ARHGAP10: variants seen among roughly 807,000 people sequenced by gnomAD.
The protein encoded by ARHGAP10 is Rho GTPase activating protein 10.
Under a neutral mutation model 108.6 loss-of-function variants are expected in ARHGAP10, and 87 were observed. That is an observed-to-expected ratio of 0.80 (90% CI 0.67 to 0.96). The LOEUF (loss-of-function observed/expected upper bound fraction) is 0.96. ARHGAP10 is among the 40% of genes least tolerant of loss of function. The pLI, the probability that ARHGAP10 is intolerant of heterozygous loss-of-function variation, is 0.00. For missense variants in ARHGAP10, 939 were observed against 954.5 expected (o/e 0.98, Z 0.21); for synonymous variants, 347 against 341.1 (o/e 1.02, Z -0.19).
At chr4:147,909,915 C>T in intron 12 of ARHGAP10, 138 bp downstream of exon 12, 2 of 814,590 alleles carry the variant, frequency 2.5e-6, no homozygotes, top group East Asian at 2.7e-5. Flanking sequence ...CGTAATAATC[C>T]TCTATTGCAT....
intron 1 of ARHGAP10, among the ~76,000 whole-genome samples, chr4:147,814,773 T>C (rs1190588794): frequency 1.3e-5 from 2 of 152,208 alleles, no homozygotes; most frequent in African/African-American, 4.8e-5. Context: ...ATTTCTTCTT[T>C]TTATAAGAAC....
At chr4:147,830,103 G>A (rs1414012179) in intron 3 of ARHGAP10, among the ~76,000 whole-genome samples, 2 of 152,206 alleles carry the variant, frequency 1.3e-5, no homozygotes, top group South Asian at 4.1e-4. Flanking sequence ...CCCCATTTGG[G>A]CAGGAAAGCC....
chr4:147,815,197 A>T (rs1445689889), intron 1 of ARHGAP10, among the ~76,000 whole-genome samples: 1 of 152,068 alleles, frequency 6.6e-6, no homozygotes, highest in African/African-American at 2.4e-5. Flanking sequence ...TCTGCTCTCA[A>T]CACATCTCTG....
In ARHGAP10 at chr4:147,828,880, G is replaced by GCT. The variant is rs1553954377; in HGVS notation, c.312+5923_312+5924insCT. Among the ~76,000 whole-genome samples, 3 of 145,180 alleles carry GCT rather than the reference G, an allele frequency of 2.1e-5. 1 individual carries two copies. In the East Asian group the frequency reaches 6.0e-4, roughly 29 times the overall value. On this transcript the variant is annotated intron_variant, in intron 3 of 22. Transcript: ENST00000336498. ...CCTCACCCTTTAAAAAGTCAAGATA[G>GCT]TTTTTTTTTTTTTTGAGATGGAGTT...
chr4:147,791,074 A>G (rs1244573792), intron 1 of ARHGAP10, among the ~76,000 whole-genome samples: 1 of 149,988 alleles, frequency 6.7e-6, no homozygotes, highest in Non-Finnish European at 1.5e-5. Context: ...TTGTTTTGAA[A>G]CTTTATGAAA....
chr4:147,963,266 A>C (rs2126994162), intron 16 of ARHGAP10, among the ~76,000 whole-genome samples: 1 of 152,154 alleles, frequency 6.6e-6, no homozygotes, highest in South Asian at 2.1e-4. Flanking sequence ...CTGAATTTGG[A>C]ATGTTCCCCT....
intron 4 of ARHGAP10, among the ~76,000 whole-genome samples, chr4:147,848,327 C>T (rs1316683535): frequency 6.6e-6 from 1 of 152,232 alleles, no homozygotes; most frequent in Non-Finnish European, 1.5e-5. Flanking sequence ...ACCCTGTGAA[C>T]AGTGGGAGAT....
intron 19 of ARHGAP10, among the ~76,000 whole-genome samples, chr4:148,031,045 C>G (rs558079653): frequency 2.0e-5 from 3 of 151,976 alleles, no homozygotes; most frequent in African/African-American, 7.3e-5. Flanking sequence ...GGTGACAGAT[C>G]AAGACCCCAT....
At chr4:148,017,441 T>C (rs1272659157) in intron 18 of ARHGAP10, among the ~76,000 whole-genome samples, 2 of 152,226 alleles carry the variant, frequency 1.3e-5, no homozygotes, top group African/African-American at 4.8e-5. Flanking sequence ...AGACAGTACC[T>C]GATACCCCCT....
At chr4:147,919,577 C>CT (rs796967278) in intron 13 of ARHGAP10, among the ~76,000 whole-genome samples, 44 of 141,926 alleles carry the variant, frequency 3.1e-4, no homozygotes, top group African/African-American at 9.6e-4. Context: ...ATTTTTTTTT[C>CT]TTTTTTTTTT....
At chr4:147,925,272 G>C (rs1578696488) in intron 13 of ARHGAP10, among the ~76,000 whole-genome samples, 1 of 152,190 alleles carries the variant, frequency 6.6e-6, no homozygotes, top group Non-Finnish European at 1.5e-5. Context: ...CTGGGATTTA[G>C]TACCTGCTGC....
At chr4:147,799,304 G>A (rs1017096013) in intron 1 of ARHGAP10, among the ~76,000 whole-genome samples, 2 of 152,104 alleles carry the variant, frequency 1.3e-5, no homozygotes, top group Non-Finnish European at 2.9e-5. Flanking sequence ...CCTTCCTAAT[G>A]CTGGGATGGC....
intron 3 of ARHGAP10, among the ~76,000 whole-genome samples, chr4:147,827,925 C>T (rs1221299152): frequency 6.6e-6 from 1 of 152,108 alleles, no homozygotes; most frequent in Non-Finnish European, 1.5e-5. Flanking sequence ...CCTGCCTCAG[C>T]CTCCTGAGTA....
At position 147,952,352 on chromosome 4, in the gene ARHGAP10, T is replaced by C. The variant is rs112502143; in HGVS notation, c.1392-2964T>C. Among the ~76,000 whole-genome samples, 6 of 152,352 alleles carry C rather than the reference T, an allele frequency of 3.9e-5. 2 individuals carry two copies. The highest frequency in any genetic ancestry group is 1.4e-4 in the African/African-American group (6 of 41,594). On this transcript the variant is annotated intron_variant, in intron 15 of 22. Transcript: ENST00000336498. ...CTGACAAACTTTCTTCCCAAGTTGA[T>C]GTATTTCTTTACATCCTCACCAACA...
At chr4:147,797,385 T>C (rs553056805) in intron 1 of ARHGAP10, among the ~76,000 whole-genome samples, 2 of 152,200 alleles carry the variant, frequency 1.3e-5, no homozygotes, top group East Asian at 3.9e-4. Context: ...TTGTTTGTTT[T>C]TCTCATGGTC....
intron 16 of ARHGAP10, 90 bp from the exon 17 acceptor site, chr4:147,964,934 C>T: frequency 1.1e-6 from 1 of 886,048 alleles, no homozygotes. Context: ...TTGTCATTGT[C>T]TTGGGAAATA....
chr4:147,854,238 A>G (rs987422439), intron 4 of ARHGAP10, among the ~76,000 whole-genome samples: 1 of 152,228 alleles, frequency 6.6e-6, no homozygotes, highest in Admixed American at 6.5e-5. Context: ...TGTTACAATT[A>G]AGAAAAAATG....
chr4:147,742,744 C>G (rs1035364053), intron 1 of ARHGAP10, among the ~76,000 whole-genome samples: 1 of 151,844 alleles, frequency 6.6e-6, no homozygotes, highest in African/African-American at 2.4e-5. Context: ...CTCGGCCTCC[C>G]AAAGTTCTAG....
At chr4:147,761,734 G>T (rs1449860925) in intron 1 of ARHGAP10, among the ~76,000 whole-genome samples, 1 of 152,068 alleles carries the variant, frequency 6.6e-6, no homozygotes, top group Non-Finnish European at 1.5e-5. Flanking sequence ...TGGAATATAC[G>T]GGCTAGTTTA....
Sources: allele counts gnomAD v4.1 joint callset (sites outside exome capture counted in the v4.1 genomes callset), GRCh38; gene constraint gnomAD v4.1.1; transcripts MANE v1.5; gene names NCBI Gene and HGNC (gene_info 2026-07-23, HGNC 2026-07-21).